The following RPS6KC1 variants were observed in gnomAD, a reference collection of about 807,000 sequenced individuals.
The protein encoded by RPS6KC1 is ribosomal protein S6 kinase C1, also known as inactive ribosomal protein S6 kinase delta-1.
A neutral mutation model predicts 103.8 loss-of-function variants in RPS6KC1; 54 were observed. That is an observed-to-expected ratio of 0.52 (90% CI 0.42 to 0.65). The LOEUF (loss-of-function observed/expected upper bound fraction) is 0.65. RPS6KC1 is among the 30% of genes least tolerant of loss of function. RPS6KC1 has a pLI of 0.00. For missense variants in RPS6KC1, 1,151 were observed against 1,253.8 expected, an observed-to-expected ratio of 0.92 and a Z score of 1.24; for synonymous variants, 439 against 438.7, an observed-to-expected ratio of 1.00 and a Z score of -0.01.
chr1:213,435,615 C>T, the RPS6KC1 span, among the ~76,000 whole-genome samples: 3 of 152,198 alleles, frequency 2.0e-5, no homozygotes, highest in African/African-American at 7.2e-5. Flanking sequence ...TCTGTGAGTA[C>T]TCTACCTGAT....
the RPS6KC1 span, among the ~76,000 whole-genome samples, chr1:213,351,684 G>A: frequency 6.6e-6 from 1 of 152,248 alleles, no homozygotes; most frequent in East Asian, 1.9e-4. Flanking sequence ...CTGAAGTCCT[G>A]GTACCTGGAA....
chr1:213,335,445 A>G, the RPS6KC1 span, among the ~76,000 whole-genome samples: 2 of 152,224 alleles, frequency 1.3e-5, no homozygotes, highest in Non-Finnish European at 2.9e-5. Flanking sequence ...GCCATCCTCA[A>G]CACATACTTC....
At chr1:213,539,903 A>T in the RPS6KC1 span, among the ~76,000 whole-genome samples, 1 of 152,356 alleles carries the variant, frequency 6.6e-6, no homozygotes, top group East Asian at 1.9e-4. Flanking sequence ...TATTTGCACT[A>T]TGCAAGTCTA....
intron 4 of RPS6KC1, among the ~76,000 whole-genome samples, chr1:213,105,233 T>TA (rs2082367828): frequency 6.7e-6 from 1 of 148,806 alleles, no homozygotes; most frequent in African/African-American, 2.5e-5. Flanking sequence ...TTTTTTTTTT[T>TA]ACCATTTTTA....
the RPS6KC1 span, among the ~76,000 whole-genome samples, chr1:213,386,594 C>T: frequency 6.6e-6 from 1 of 152,224 alleles, no homozygotes; most frequent in Non-Finnish European, 1.5e-5. Context: ...CTTCCATCTA[C>T]ATCCAGGAGG....
the RPS6KC1 span, among the ~76,000 whole-genome samples, chr1:213,382,273 A>G: frequency 6.6e-6 from 1 of 152,122 alleles, no homozygotes; most frequent in East Asian, 1.9e-4. Flanking sequence ...GCTGGTGGCA[A>G]AGGGTTGAGA....
the RPS6KC1 span, among the ~76,000 whole-genome samples, chr1:213,607,120 G>A: frequency 6.6e-6 from 1 of 152,082 alleles, no homozygotes; most frequent in African/African-American, 2.4e-5. Flanking sequence ...GGAAGAATGA[G>A]GCATGCTCTC....
At chr1:213,442,268 T>A in the RPS6KC1 span, among the ~76,000 whole-genome samples, 1 of 152,228 alleles carries the variant, frequency 6.6e-6, no homozygotes, top group South Asian at 2.1e-4. Context: ...TAACACCACA[T>A]AGCCCTTTTG....
At chr1:213,489,543 A>G in the RPS6KC1 span, among the ~76,000 whole-genome samples, 1 of 152,228 alleles carries the variant, frequency 6.6e-6, no homozygotes, top group Admixed American at 6.5e-5. Context: ...GATGCCAAGG[A>G]TACAAAGAAC....
intron 8 of RPS6KC1, among the ~76,000 whole-genome samples, chr1:213,190,776 C>G (rs1454937511): frequency 6.6e-6 from 1 of 152,080 alleles, no homozygotes; most frequent in East Asian, 1.9e-4. Context: ...AGTTTCATAG[C>G]TTGAGGGATT....
At chr1:213,585,614 A>G in the RPS6KC1 span, among the ~76,000 whole-genome samples, 2 of 152,138 alleles carry the variant, frequency 1.3e-5, no homozygotes, top group African/African-American at 4.8e-5. Flanking sequence ...GGTGCAAGGA[A>G]TCTGTATTTT....
chr1:213,401,104 G>T, the RPS6KC1 span, among the ~76,000 whole-genome samples: 4 of 152,134 alleles, frequency 2.6e-5, no homozygotes, highest in Admixed American at 6.5e-5. Context: ...GCCATGCTTA[G>T]AGCCTTGGAA....
At chr1:213,485,150 G>A in the RPS6KC1 span, among the ~76,000 whole-genome samples, 1,565 of 152,292 alleles carry the variant, frequency 0.01, 22 homozygotes, top group African/African-American at 0.036. Context: ...ACAAGTGTGA[G>A]CCGCTGTGAC....
At chr1:213,379,895 G>A in the RPS6KC1 span, among the ~76,000 whole-genome samples, 1 of 152,114 alleles carries the variant, frequency 6.6e-6, no homozygotes. Context: ...GATTAGTTCA[G>A]TCATTGTGGA....
intron 6 of RPS6KC1, among the ~76,000 whole-genome samples, chr1:213,156,687 T>C (rs1187123956): frequency 6.6e-6 from 1 of 152,226 alleles, no homozygotes; most frequent in Non-Finnish European, 1.5e-5. Context: ...TTGATGAATA[T>C]ATCTGAGTAG....
chr1:213,272,208 G>A (rs1358870175), intron 14 of RPS6KC1, among the ~76,000 whole-genome samples: 1 of 152,148 alleles, frequency 6.6e-6, no homozygotes, highest in East Asian at 1.9e-4. Context: ...TAATGTCATG[G>A]TGTACTTTTG....
At chr1:213,834,522 G>A in the RPS6KC1 span, among the ~76,000 whole-genome samples, 1 of 151,994 alleles carries the variant, frequency 6.6e-6, no homozygotes, top group Non-Finnish European at 1.5e-5. Context: ...ATTCATCTAG[G>A]TATCTCTCTA....
the RPS6KC1 span, among the ~76,000 whole-genome samples, chr1:213,281,193 G>A: frequency 6.6e-6 from 1 of 152,224 alleles, no homozygotes. Flanking sequence ...TCAGACTGCA[G>A]AGGCCCAGGT....
At chr1:213,258,131 G>A (rs937928065) in intron 12 of RPS6KC1, among the ~76,000 whole-genome samples, 9 of 152,164 alleles carry the variant, frequency 5.9e-5, no homozygotes, top group Non-Finnish European at 1.0e-4. Context: ...ACAGATGCGC[G>A]CCACTACGCT....
Sources: allele counts gnomAD v4.1 joint callset (sites outside exome capture counted in the v4.1 genomes callset), GRCh38; gene constraint gnomAD v4.1.1; transcripts MANE v1.5; gene names NCBI Gene and HGNC (gene_info 2026-07-23, HGNC 2026-07-21).